NUP210: variants seen among roughly 807,000 people sequenced by gnomAD.
NUP210 encodes the protein nucleoporin 210.
A neutral mutation model predicts 196.0 loss-of-function variants in NUP210; 151 were observed. The ratio of observed to expected loss-of-function variants is 0.77; its 90% CI spans 0.67 to 0.88. The LOEUF (loss-of-function observed/expected upper bound fraction) is 0.88. Among genes scored for constraint, NUP210 ranks in the 40% least tolerant of loss-of-function variants. The pLI is 0.00. For synonymous variants in NUP210, 1,070 were observed against 1,052.7 expected, an observed-to-expected ratio of 1.02 and a Z score of -0.32; for missense variants, 2,314 against 2,493.7, an observed-to-expected ratio of 0.93 and a Z score of 1.53.
rs552467572 is a variant in NUP210 at position 13,325,837 on chromosome 3, C to A, written c.4602G>T (p.Thr1534=). ...GGTGCCCAGCGACCTCATAGTAAAC[C>A]GTCACGGATCCCACGGCCCGGGCCA... is the stretch of plus-strand genomic sequence containing the variant. ...VAVARAVGSV[T]VYYEVAGHLR... The change falls in exon 33 of 40, where the codon ACG becomes ACT. Residue 1534 remains threonine, a synonymous_variant. Coordinates refer to ENST00000254508, the MANE Select transcript of NUP210 (RefSeq NM_024923.4). 6.2e-7 allele frequency: 1 copy of A among 1,613,964 alleles called. No homozygotes were observed. The highest frequency in any genetic ancestry group is 1.3e-5 in the African/African-American group (1 of 75,060).
intron 32 of NUP210, 151 bp from the exon 33 acceptor site, chr3:13,326,082 C>T: frequency 9.9e-7 from 1 of 1,006,488 alleles, no homozygotes; most frequent in Non-Finnish European, 1.4e-6. Context: ...GCCACGCTGC[C>T]TGCCCCAGTG....
At chr3:13,384,441 CAT>C (rs1485781760) in intron 6 of NUP210, among the ~76,000 whole-genome samples, 18 of 152,304 alleles carry the variant, frequency 1.2e-4, no homozygotes, top group African/African-American at 4.3e-4. Flanking sequence ...AAATCTACCT[CAT>C]AGAGCTGTTG....
intron 1 of NUP210, among the ~76,000 whole-genome samples, chr3:13,413,477 A>AC (rs1553605466): frequency 1.3e-5 from 2 of 151,904 alleles, no homozygotes; most frequent in Admixed American, 6.6e-5. Flanking sequence ...CTCAAAAAAA[A>AC]AAACAAACAA....
At chr3:13,318,378 A>G (rs998006358) in intron 39 of NUP210, among the ~76,000 whole-genome samples, 2 of 152,162 alleles carry the variant, frequency 1.3e-5, no homozygotes, top group South Asian at 4.1e-4. Context: ...CTCCTTACCC[A>G]GGAAAGTGCT....
chr3:13,345,359 G>T (rs1697680153), intron 20 of NUP210, among the ~76,000 whole-genome samples: 1 of 152,258 alleles, frequency 6.6e-6, no homozygotes, highest in Non-Finnish European at 1.5e-5. Context: ...TGAAAAGGCA[G>T]AGCTGGGGAT....
intron 20 of NUP210, 36 bp from the exon 21 acceptor site, chr3:13,343,339 T>TGGGGGGGGGGGGGGGGGGG: frequency 5.3e-5 from 15 of 282,500 alleles, no homozygotes; most frequent in East Asian, 2.5e-4. Context: ...GGGTGGGTGG[T>TGGGGGGGGGGGGGGGGGGG]GGGTTACGCA....
In NUP210 at chr3:13,319,300, G is replaced by A. The variant is rs1250984639; in HGVS notation, c.5409C>T (p.Phe1803=). 2 of 1,611,960 alleles carry A rather than the reference G, an allele frequency of 1.2e-6. No individual in the cohort carries two copies. The highest frequency in any genetic ancestry group is 1.1e-5 in the South Asian group (1 of 90,512). Residue 1803 remains phenylalanine (F), a synonymous_variant, in exon 38 of 40, where the codon TTC becomes TTT. Coordinates refer to ENST00000254508, the MANE Select transcript of NUP210 (RefSeq NM_024923.4). ...AGAACATGACCTGGTAGGAATCCAG[G>A]AAGTGCTGGAAGAGGCTGGCTCCAT... ...GPYGASLFQH[F]LDSYQVMFFT...
intron 8 of NUP210, 125 bp downstream of exon 8, chr3:13,378,787 T>C (rs1871809): frequency 2.2e-5 from 16 of 739,386 alleles, no homozygotes; most frequent in Non-Finnish European, 3.6e-5. Context: ...ATGATGGTCA[T>C]AGCAAGTGGC....
chr3:13,404,539 C>T (rs1360017526), intron 1 of NUP210, among the ~76,000 whole-genome samples: 10 of 152,168 alleles, frequency 6.6e-5, no homozygotes, highest in African/African-American at 2.2e-4. Flanking sequence ...TTAGTTGTAA[C>T]TTAAAGAACT....
chr3:13,338,007 G>T, intron 25 of NUP210, 90 bp from the exon 26 acceptor site: 1 of 1,238,510 alleles, frequency 8.1e-7, no homozygotes, highest in Non-Finnish European at 1.1e-6. Context: ...GCAGGCTGCG[G>T]CTCAGAGTCT....
intron 34 of NUP210, among the ~76,000 whole-genome samples, chr3:13,322,963 A>G (rs1235108556): frequency 6.6e-6 from 1 of 152,170 alleles, no homozygotes; most frequent in East Asian, 1.9e-4. Context: ...TACAAAAATT[A>G]AAACCAGTGA....
chr3:13,420,137 G>A lies in NUP210; in HGVS notation c.90C>T (p.Ile30=). 1.5e-6 allele frequency: 2 copies of A among 1,341,498 alleles called. No individual in the cohort carries two copies. Among genetic ancestry groups the A allele is most frequent in the Non-Finnish European group, 9.7e-7 (1 of 1,026,214 alleles). 83.1% of individuals were successfully genotyped at this position (1,341,498 alleles called of 1,614,324 possible). ...GCGTGAAGGGCAGCAGCACTTTGGGGATGTTGAGCTTGGCCGCAGCGGCGG... is the reference window on the plus strand; with the variant it reads ...GCGTGAAGGGCAGCAGCACTTTGGGAATGTTGAGCTTGGCCGCAGCGGCGG... ...GPSAAAAKLN[I]PKVLLPFTRA... The change falls in exon 1 of 40, where the codon ATC becomes ATT. Residue 30 remains isoleucine, a synonymous_variant. Transcript: ENST00000254508. This position sits in a 1 kb window ranked among gnomAD's most constrained non-coding sequence, Gnocchi z 4.8.
At chr3:13,376,175 A>G in intron 10 of NUP210, 116 bp downstream of exon 10, 1 of 1,010,760 alleles carries the variant, frequency 9.9e-7, no homozygotes, top group Non-Finnish European at 1.5e-6. Flanking sequence ...CCAAACAGGA[A>G]AAGGGATGCA....
intron 3 of NUP210, among the ~76,000 whole-genome samples, chr3:13,393,658 C>G (rs1443100466): frequency 1.3e-5 from 2 of 152,244 alleles, no homozygotes; most frequent in Non-Finnish European, 2.9e-5. Flanking sequence ...AGGCAGGTGT[C>G]TGCCTTTCCA....
chr3:13,376,744 C>CA (rs1211263880), intron 9 of NUP210, among the ~76,000 whole-genome samples: 4 of 151,892 alleles, frequency 2.6e-5, no homozygotes, highest in African/African-American at 4.8e-5. Context: ...CCAGTAAATA[C>CA]AAAAAAAAGG....
chr3:13,328,205 G>A (rs1313374805), intron 31 of NUP210, among the ~76,000 whole-genome samples: 2 of 152,204 alleles, frequency 1.3e-5, no homozygotes, highest in Non-Finnish European at 2.9e-5. Flanking sequence ...GCGCACACAC[G>A]GAGTGCCATG....
At chr3:13,389,078 C>T (rs2655245) in intron 4 of NUP210, among the ~76,000 whole-genome samples, 2 of 152,230 alleles carry the variant, frequency 1.3e-5, no homozygotes, top group Non-Finnish European at 2.9e-5. Flanking sequence ...CCACTTCAGC[C>T]TGCATTTACA....
intron 25 of NUP210, among the ~76,000 whole-genome samples, chr3:13,338,623 C>T (rs1697326386): frequency 6.6e-6 from 1 of 152,232 alleles, no homozygotes; most frequent in Admixed American, 6.5e-5. Flanking sequence ...CACCCCACGG[C>T]CTTGGGGTGC....
At chr3:13,401,202 G>A (rs933177685) in intron 1 of NUP210, among the ~76,000 whole-genome samples, 2 of 134,862 alleles carry the variant, frequency 1.5e-5, no homozygotes, top group African/African-American at 3.0e-5. Flanking sequence ...GAGGCCTGCA[G>A]TGAGCCAAGA....
Sources: gnomAD v4.1 joint callset for allele counts (sites outside exome capture counted in the v4.1 genomes callset) on GRCh38, gnomAD v4.1.1 for gene constraint, Gnocchi (gnomAD v3.1) non-coding constraint, MANE v1.5 for transcripts, NCBI Gene and HGNC (gene_info 2026-07-23, HGNC 2026-07-21) for gene names.